Variants in GRID1 observed in about 807,000 individuals in gnomAD.
The protein encoded by GRID1 is glutamate receptor ionotropic, delta-1.
Under a neutral mutation model 98.0 loss-of-function variants are expected in GRID1, and 28 were observed. That is an observed-to-expected ratio of 0.29 (90% CI 0.21 to 0.39). GRID1 has a LOEUF of 0.39. GRID1 is among the 10% of genes least tolerant of loss of function. GRID1 has a pLI of 1.00. For missense variants in GRID1, 1,111 were observed against 1,340.5 expected (o/e 0.83, Z 2.67); for synonymous variants, 553 against 538.5 (o/e 1.03, Z -0.37).
chr10:85,930,281 GCGGTT>G (rs1841832454), intron 4 of GRID1, among the ~76,000 whole-genome samples: 1 of 124,748 alleles, frequency 8.0e-6, no homozygotes, highest in African/African-American at 3.4e-5. Context: ...CAAATAACTT[GCGGTT>G]ATTTATAACT....
chr10:86,049,082 G>A lies in GRID1; in HGVS notation c.726+89737C>T, dbSNP rs943752433. ...CCTGTTTCACAGATGAGGAGAGGAG[G>A]CTCAGGGAAGTTAAGCAACTTGGTA... On this transcript the variant is annotated intron_variant, in intron 4 of 15. Transcript: ENST00000327946. 3.3e-5 allele frequency among the ~76,000 whole-genome samples: 5 copies of A among 152,304 alleles called. No homozygotes were observed. The East Asian group carries it at 5.8e-4, about 18-fold the overall frequency.
intron 4 of GRID1, among the ~76,000 whole-genome samples, chr10:85,952,274 T>C (rs941426335): frequency 6.6e-6 from 1 of 152,204 alleles, no homozygotes; most frequent in Non-Finnish European, 1.5e-5. Context: ...GAAAACAGCA[T>C]GAGGAAGCAA....
Position 86,316,089 on chromosome 10 carries a change from C to T in GRID1, c.235+47852G>A, listed in dbSNP as rs113010665. The stretch of plus-strand genomic sequence containing the variant: ...AGCAAGACCATCACAAAATATAAGA[C>T]TAGATAGCCAGGGAACTAGAACTGG... On this transcript the variant is annotated intron_variant, in intron 2 of 15. Transcript: ENST00000327946. 7.2e-5 allele frequency among the ~76,000 whole-genome samples: 11 copies of T among 152,306 alleles called. 1 individual carries two copies. Among genetic ancestry groups the T allele is most frequent in the African/African-American group, 2.2e-4 (9 of 41,574 alleles).
chr10:86,060,814 T>C (rs1301892003), intron 4 of GRID1, among the ~76,000 whole-genome samples: 1 of 152,138 alleles, frequency 6.6e-6, no homozygotes, highest in Non-Finnish European at 1.5e-5. Flanking sequence ...AGCAAGCTCC[T>C]TGGATGCCTT....
chr10:86,273,484 CCA>C (rs1847217886), intron 2 of GRID1, among the ~76,000 whole-genome samples: 1 of 151,094 alleles, frequency 6.6e-6, no homozygotes, highest in South Asian at 2.1e-4. Flanking sequence ...TGAGGAATCT[CCA>C]CACTGACTTC....
At chr10:85,871,280 T>C (rs550977656) in intron 5 of GRID1, among the ~76,000 whole-genome samples, 1 of 152,336 alleles carries the variant, frequency 6.6e-6, no homozygotes, top group South Asian at 2.1e-4. Context: ...TCACAGAATT[T>C]CTTGAATGCT....
rs1845399881 is a variant in GRID1 at position 86,166,423 on chromosome 10, CA to C, written c.521-27400del. Among the ~76,000 whole-genome samples the C allele has an allele frequency of 1.3e-5, 2 of 152,224 alleles. 1 individual carries two copies. Among genetic ancestry groups the C allele is most frequent in the South Asian group, 4.1e-4 (2 of 4,826 alleles). ...CACTTCTCAAAAAACGACATTTATGCAGCCAACAGACATTGTCACTATCTTA... is the reference window on the plus strand; with the variant it reads ...CACTTCTCAAAAAACGACATTTATGCGCCAACAGACATTGTCACTATCTTA... On this transcript the variant is annotated intron_variant, in intron 3 of 15. Transcript: ENST00000327946.
At chr10:86,088,002 C>T (rs923782384) in intron 4 of GRID1, among the ~76,000 whole-genome samples, 6 of 152,220 alleles carry the variant, frequency 3.9e-5, no homozygotes, top group African/African-American at 9.6e-5. Context: ...CAACACTGGC[C>T]GCCTCTGTCC....
intron 8 of GRID1, among the ~76,000 whole-genome samples, chr10:85,816,530 G>T (rs1169061115): frequency 2.0e-5 from 3 of 152,126 alleles, no homozygotes; most frequent in Admixed American, 2.0e-4. Context: ...TTAAGGATGT[G>T]GGGTTGAATA....
At chr10:86,234,641 G>A (rs1846507454) in intron 2 of GRID1, among the ~76,000 whole-genome samples, 1 of 152,222 alleles carries the variant, frequency 6.6e-6, no homozygotes, top group African/African-American at 2.4e-5. Context: ...GTGTTGCGGT[G>A]TAAATCTTTA....
At chr10:85,988,942 A>G (rs900320586) in intron 4 of GRID1, among the ~76,000 whole-genome samples, 1 of 152,226 alleles carries the variant, frequency 6.6e-6, no homozygotes, top group African/African-American at 2.4e-5. Context: ...TTGGGGCCAC[A>G]TGGGGAAGCC....
At chr10:85,801,942 T>A (rs1321578829) in intron 8 of GRID1, among the ~76,000 whole-genome samples, 1 of 151,954 alleles carries the variant, frequency 6.6e-6, no homozygotes, top group African/African-American at 2.4e-5. Context: ...TAAACAAATA[T>A]AAAATCTCTC....
chr10:86,180,543 A>C (rs998504938), intron 3 of GRID1, among the ~76,000 whole-genome samples: 2 of 152,046 alleles, frequency 1.3e-5, no homozygotes, highest in African/African-American at 4.8e-5. Flanking sequence ...TGCCAGCTCC[A>C]TGTGCTCCCT....
At chr10:85,736,998 T>C (rs1245489189) in intron 8 of GRID1, among the ~76,000 whole-genome samples, 1 of 152,078 alleles carries the variant, frequency 6.6e-6, no homozygotes, top group East Asian at 1.9e-4. Context: ...ACCTGGGCCT[T>C]GGAGGGTATG....
chr10:86,092,752 C>T (rs75357165), intron 4 of GRID1, among the ~76,000 whole-genome samples: 1 of 152,082 alleles, frequency 6.6e-6, no homozygotes, highest in Non-Finnish European at 1.5e-5. Context: ...ACTAATAGAC[C>T]TAAGAAATGA....
intron 8 of GRID1, among the ~76,000 whole-genome samples, chr10:85,787,614 C>G (rs1427628928): frequency 6.6e-6 from 1 of 152,188 alleles, no homozygotes; most frequent in Non-Finnish European, 1.5e-5. Flanking sequence ...AGAGCCTGCC[C>G]AGCTCTGTGA....
At chr10:85,971,796 A>G (rs2131855375) in intron 4 of GRID1, among the ~76,000 whole-genome samples, 1 of 152,254 alleles carries the variant, frequency 6.6e-6, no homozygotes, top group African/African-American at 2.4e-5. Flanking sequence ...ATCTTCTAAG[A>G]CTAAACATAC....
intron 4 of GRID1, among the ~76,000 whole-genome samples, chr10:86,127,758 G>A (rs1347897692): frequency 6.6e-6 from 1 of 152,168 alleles, no homozygotes; most frequent in African/African-American, 2.4e-5. Flanking sequence ...CTGACACAGA[G>A]TGAGTAGGAG....
chr10:85,892,704 A>G (rs967642784), intron 5 of GRID1, among the ~76,000 whole-genome samples: 2 of 152,116 alleles, frequency 1.3e-5, no homozygotes, highest in Admixed American at 6.5e-5. Flanking sequence ...ATGTGTTCTT[A>G]AAATCTTTCC....
Sources: allele counts gnomAD v4.1 joint callset (sites outside exome capture counted in the v4.1 genomes callset), GRCh38; gene constraint gnomAD v4.1.1; transcripts MANE v1.5; gene names NCBI Gene and HGNC (gene_info 2026-07-23, HGNC 2026-07-21).